Variants in SEPTIN5 observed in about 807,000 individuals in gnomAD.
The protein encoded by SEPTIN5 is septin 5.
In SEPTIN5, 16 loss-of-function variants were observed where a neutral mutation model predicts 51.2. The observed-to-expected ratio is 0.31, with a 90% CI of 0.21 to 0.47. The LOEUF (loss-of-function observed/expected upper bound fraction) is 0.47. Ranked by LOEUF, SEPTIN5 falls within the 20% of genes least tolerant of loss-of-function variation. SEPTIN5 has a pLI of 0.99. For missense variants in SEPTIN5, 376 were observed against 500.3 expected, an observed-to-expected ratio of 0.75 and a Z score of 2.37; for synonymous variants, 208 against 191.2, an observed-to-expected ratio of 1.09 and a Z score of -0.72.
At chr22:19,719,228 C>T (rs1315627260) in intron 2 of SEPTIN5, among the ~76,000 whole-genome samples, 1 of 152,218 alleles carries the variant, frequency 6.6e-6, no homozygotes, top group Non-Finnish European at 1.5e-5. Flanking sequence ...TGTCGAGGCC[C>T]CCAGCTTCTC....
intron 8 of SEPTIN5, among the ~76,000 whole-genome samples, chr22:19,721,402 TGAG>T (rs757190565): frequency 6.6e-5 from 10 of 151,546 alleles, no homozygotes; most frequent in Non-Finnish European, 1.0e-4. Flanking sequence ...AGGGAGGAGA[TGAG>T]GAGGGAGCAT....
chr22:19,719,423 G>T (rs189291384), intron 2 of SEPTIN5, 179 bp from the exon 3 acceptor site: 10 of 582,032 alleles, frequency 1.7e-5, no homozygotes, highest in Admixed American at 3.0e-5. Context: ...CCACCACCTC[G>T]CCTGCCTTCT....
intron 2 of SEPTIN5, chr22:19,717,742 C>G (rs948488945): frequency 6.3e-5 from 16 of 254,042 alleles, no homozygotes; most frequent in Non-Finnish European, 1.1e-4. Context: ...TCCGGTCCCC[C>G]GAATGTCTTG....
In SEPTIN5 at chr22:19,714,721, C is replaced by T; in HGVS notation, c.44-60C>T. On this transcript the variant is annotated intron_variant, in intron 1 of 11. Transcript: ENST00000455784. The surrounding 1 kb of genome is among the most constrained non-coding windows in gnomAD (Gnocchi z 5.2). ...CCGTGTCTCTCCGTCTCTCCCCCGC[C>T]CGCCGGCCCGGACCCGCTCGGAACC... 2 of 1,553,540 alleles carry T rather than the reference C, an allele frequency of 1.3e-6. No individual in the cohort carries two copies. Among genetic ancestry groups the T allele is most frequent in the Non-Finnish European group, 1.7e-6 (2 of 1,156,222 alleles).
At chr22:19,720,059 C>T in intron 4 of SEPTIN5, 56 bp from the exon 5 acceptor site, 1 of 1,610,898 alleles carries the variant, frequency 6.2e-7, no homozygotes, top group Non-Finnish European at 8.5e-7. Context: ...GTCCTGGCTG[C>T]CAAGGGTGAG....
In SEPTIN5 at chr22:19,722,747, C is replaced by T. The variant is rs1176355137; in HGVS notation, c.*263C>T. 7 of 553,566 alleles carry T rather than the reference C, an allele frequency of 1.3e-5. No individual in the cohort carries two copies. Among genetic ancestry groups the T allele is most frequent in the African/African-American group, 7.5e-5 (4 of 53,112 alleles). The allele number at this position is 553,566 out of a possible 1,614,324, so 34.3% of individuals were successfully genotyped here. A position where few individuals can be genotyped will look rare whatever the true frequency, so the allele number is the denominator to read the frequency against. On this transcript the variant is annotated 3_prime_UTR_variant, in exon 12 of 12. Coordinates refer to ENST00000455784, the MANE Select transcript of SEPTIN5 (RefSeq NM_002688.6). ...AGATCCGCCTCCCTTGCCCTTCCCC[C>T]GCCCCCGGACGGTCACAGCACCCAA... is the stretch of plus-strand genomic sequence containing the variant.
At chr22:19,718,574 A>C in intron 2 of SEPTIN5, 1 of 1,285,456 alleles carries the variant, frequency 7.8e-7, no homozygotes, top group Non-Finnish European at 9.9e-7. Context: ...TCCCCCGGGT[A>C]GGCGACGTGC....
Position 19,721,658 on chromosome 22 carries a change from G to A in SEPTIN5, c.736G>A (p.Val246Ile), listed in dbSNP as rs752488791. The A allele has an allele frequency of 1.9e-6, 3 of 1,612,706 alleles. No homozygotes were observed. The highest frequency in any genetic ancestry group is 2.7e-5 in the African/African-American group (2 of 74,912). Residue 246 changes from valine to isoleucine, a missense_variant, in exon 9 of 12, where the codon GTT becomes ATT. This residue lies in a region of SEPTIN5 where 287 missense variants were observed against 417.1 expected (regional missense o/e 0.69). Coordinates refer to ENST00000455784, the MANE Select transcript of SEPTIN5 (RefSeq NM_002688.6). ...CCCCCAGGAGAGCGCGCCCTTCGCC[G>A]TTATAGGCAGCAACACGGTGGTGGA... Reference protein sequence around the residue: ...RELKESAPFAVIGSNTVVEAK... With the variant: ...RELKESAPFAIIGSNTVVEAK...
chr22:19,720,307 C>A lies in SEPTIN5; in HGVS notation c.363-13C>A. On this transcript the variant is annotated splice_polypyrimidine_tract_variant and intron_variant, in intron 5 of 11. Transcript: ENST00000455784. ...GCACTCGAGGCCTGGCCTCACCTCC[C>A]TCCTGCCCACAGCTGGAAGCCCATC... is the stretch of plus-strand genomic sequence containing the variant. 1 of 1,613,574 alleles carries A rather than the reference C, an allele frequency of 6.2e-7. No homozygotes were observed. Among genetic ancestry groups the A allele is most frequent in the Non-Finnish European group, 8.5e-7 (1 of 1,179,858 alleles).
rs1032971139 is a variant in SEPTIN5, at chr22:19,722,913, C to T, written c.*429C>T. 6.7e-6 allele frequency: 3 copies of T among 446,662 alleles called. No homozygotes were observed. Among genetic ancestry groups the T allele is most frequent in the East Asian group, 4.0e-5 (1 of 25,082 alleles). 27.7% of individuals were successfully genotyped at this position (446,662 alleles called of 1,614,324 possible). A position where few individuals can be genotyped will look rare whatever the true frequency, so the allele number is the denominator to read the frequency against. ...GCTCCCGCGGGTCACCCAGCGAGTG[C>T]TGAGACCCCATTTTCTGTCGAGGCG... is the stretch of plus-strand genomic sequence containing the variant. On this transcript the variant is annotated 3_prime_UTR_variant, in exon 12 of 12. Coordinates refer to ENST00000455784, the MANE Select transcript of SEPTIN5 (RefSeq NM_002688.6).
chr22:19,719,573 G>A lies in SEPTIN5; in HGVS notation c.55-29G>A, dbSNP rs182223975. On this transcript the variant is annotated intron_variant, in intron 2 of 11. Coordinates refer to ENST00000455784, the MANE Select transcript of SEPTIN5 (RefSeq NM_002688.6). ...ATTGGGCTTCTGGAGAAACCTTTGT[G>A]TCCCTACCCTGTTCCATCCTGTCCC... 16 of 1,582,786 alleles carry A rather than the reference G, an allele frequency of 1.0e-5. No individual in the cohort carries two copies. The East Asian group carries it at 3.6e-4, about 36-fold the overall frequency.
rs758367570 is a variant in SEPTIN5 at position 19,721,591 on chromosome 22, C to T, written c.718-49C>T. The T allele has an allele frequency of 3.1e-6, 5 of 1,597,806 alleles. No individual in the cohort carries two copies. In the African/African-American group the frequency reaches 4.0e-5, roughly 13 times the overall value. On this transcript the variant is annotated intron_variant, in intron 8 of 11. Transcript: ENST00000455784. ...TACATGCCCGTTTCCCATCAGTAACCGTGCAATTACGCTCACCGGGTGTGA... is the reference window on the plus strand; with the variant it reads ...TACATGCCCGTTTCCCATCAGTAACTGTGCAATTACGCTCACCGGGTGTGA...
chr22:19,721,542 AT>A (rs1363718512), intron 8 of SEPTIN5, 97 bp from the exon 9 acceptor site: 94 of 1,280,506 alleles, frequency 7.3e-5, no homozygotes, highest in Non-Finnish European at 1.0e-4. Flanking sequence ...GTTGATGGTG[AT>A]GCTGGAGGGG....
rs1423783844 is a variant in SEPTIN5 at position 19,718,879 on chromosome 22, T to TG, written c.55-719dup. ...ACCCCGCGGGCTCCGGGACTCGGCA[T>TG]GGGGTCCCCGTCCCCGCGCGCCACG... On this transcript the variant is annotated intron_variant, in intron 2 of 11. Coordinates refer to ENST00000455784, the MANE Select transcript of SEPTIN5 (RefSeq NM_002688.6). 1.1e-5 allele frequency: 14 copies of TG among 1,224,458 alleles called. No homozygotes were observed. In the African/African-American group the frequency reaches 2.0e-4, roughly 18 times the overall value. The allele number at this position is 1,224,458 out of a possible 1,614,324, so 75.8% of individuals were successfully genotyped here.
In SEPTIN5 at chr22:19,714,819, G is replaced by T; in HGVS notation, c.54+28G>T. 1.3e-6 allele frequency: 2 copies of T among 1,582,374 alleles called. No homozygotes were observed. The highest frequency in any genetic ancestry group is 2.3e-5 in the East Asian group (1 of 43,206). On this transcript the variant is annotated intron_variant, in intron 2 of 11. Transcript: ENST00000455784. The surrounding 1 kb of genome is among the most constrained non-coding windows in gnomAD (Gnocchi z 5.2). Reference sequence around the variant, plus strand: ...ACGTGCGCAGCGCCGCTCCCCCGCCGGGAGACCCGGCCGGCTGTCACCCAT... The same window carrying T: ...ACGTGCGCAGCGCCGCTCCCCCGCCTGGAGACCCGGCCGGCTGTCACCCAT...
At position 19,721,579 on chromosome 22, in the gene SEPTIN5, C is replaced by CCCATCAGTAA. The variant is rs1936033055; in HGVS notation, c.718-58_718-49dup. ...TGCCCCGGGAGTTACATGCCCGTTTCCCATCAGTAACCGTGCAATTACGCT... is the reference window on the plus strand; with the variant it reads ...TGCCCCGGGAGTTACATGCCCGTTTCCCATCAGTAACCATCAGTAACCGTGCAATTACGCT... On this transcript the variant is annotated intron_variant, in intron 8 of 11. Transcript: ENST00000455784. 3.2e-6 allele frequency: 5 copies of CCCATCAGTAA among 1,569,404 alleles called. No individual in the cohort carries two copies. The African/African-American group carries it at 6.7e-5, about 21-fold the overall frequency.
Position 19,721,889 on chromosome 22 carries a change from C to G in SEPTIN5, c.882C>G (p.Asp294Glu). 3 of 1,612,312 alleles carry G rather than the reference C, an allele frequency of 1.9e-6. No homozygotes were observed. Among genetic ancestry groups the G allele is most frequent in the Non-Finnish European group, 2.5e-6 (3 of 1,179,598 alleles). The stretch of plus-strand genomic sequence containing the variant: ...TGCTCATCCGCACGCATATGCACGA[C>G]CTCAAGGACGTGACGTGCGACGTGC... ...RNMLIRTHMH[D>E]LKDVTCDVHY... Residue 294 changes from aspartate (D) to glutamate (E), a missense_variant, in exon 10 of 12, where the codon GAC (aspartate) becomes GAG (glutamate). Asp to Glu is a conservative substitution (Grantham distance 45). Around this residue, in one of 2 missense-constraint regions of SEPTIN5, gnomAD observed 287 missense variants for 417.1 expected, o/e 0.69. Coordinates refer to ENST00000455784, the MANE Select transcript of SEPTIN5 (RefSeq NM_002688.6).
chr22:19,721,771 G>A (rs1936039567), intron 9 of SEPTIN5, 35 bp downstream of exon 9: 2 of 1,601,278 alleles, frequency 1.2e-6, no homozygotes, highest in East Asian at 2.2e-5. Flanking sequence ...GTCTGGTGGG[G>A]GAAGGCTGTC....
rs534681382 is a variant in SEPTIN5 at position 19,718,337 on chromosome 22, G to A, written c.55-1265G>A. ...CGGCTCAGCCCTGCCCTCCGCAGCCGCTTTCGGGTGGCTCCGCCCGCGGCC... is the reference window on the plus strand; with the variant it reads ...CGGCTCAGCCCTGCCCTCCGCAGCCACTTTCGGGTGGCTCCGCCCGCGGCC... On this transcript the variant is annotated intron_variant, in intron 2 of 11. Coordinates refer to ENST00000455784, the MANE Select transcript of SEPTIN5 (RefSeq NM_002688.6). The A allele has an allele frequency of 4.9e-5, 47 of 953,096 alleles. 1 individual carries two copies. In the South Asian group the frequency reaches 1.9e-3, roughly 38 times the overall value. The allele number at this position is 953,096 out of a possible 1,614,324, so 59.0% of individuals were successfully genotyped here.
Sources: gnomAD v4.1 joint callset for allele counts (sites outside exome capture counted in the v4.1 genomes callset) on GRCh38, gnomAD v4.1.1 for gene constraint, gnomAD v4.1.1 regional missense constraint, Gnocchi (gnomAD v3.1) non-coding constraint, MANE v1.5 for transcripts, NCBI Gene and HGNC (gene_info 2026-07-23, HGNC 2026-07-21) for gene names.